NEDD4: variants seen among roughly 807,000 people sequenced by gnomAD.
The protein encoded by NEDD4 is NEDD4 E3 ubiquitin protein ligase, also known as E3 ubiquitin-protein ligase NEDD4.
In NEDD4, 99 loss-of-function variants were observed where a neutral mutation model predicts 144.9. The ratio of observed to expected loss-of-function variants is 0.68; its 90% confidence interval spans 0.58 to 0.81. The LOEUF (loss-of-function observed/expected upper bound fraction) is 0.81, where lower values mean the gene tolerates loss of function less well. Ranked by LOEUF, NEDD4 falls within the 30% of genes least tolerant of loss-of-function variation. The pLI is 0.00. For synonymous variants in NEDD4, 318 were observed against 350.6 expected (o/e 0.91, Z 1.04); for missense variants, 985 against 1,065.9 (o/e 0.92, Z 1.06).
At chr15:55,885,544 C>G (rs1174137549) in intron 5 of NEDD4, among the ~76,000 whole-genome samples, 3 of 151,672 alleles carry the variant, frequency 2.0e-5, no homozygotes, top group South Asian at 4.2e-4. Context: ...AAAAAAAAAG[C>G]AAGAGGACAA....
chr15:55,901,768 A>G (rs2142156988), intron 5 of NEDD4, among the ~76,000 whole-genome samples: 1 of 152,252 alleles, frequency 6.6e-6, no homozygotes, highest in Admixed American at 6.5e-5. Flanking sequence ...GTTACATATC[A>G]TGGCACTTTA....
intron 4 of NEDD4, among the ~76,000 whole-genome samples, chr15:55,934,530 T>C (rs1459085891): frequency 6.6e-6 from 1 of 152,150 alleles, no homozygotes; most frequent in Non-Finnish European, 1.5e-5. Context: ...GAATAGAAAG[T>C]ATTCCGGCAT....
intron 21 of NEDD4, among the ~76,000 whole-genome samples, chr15:55,839,831 C>T (rs2033384488): frequency 6.6e-6 from 1 of 150,770 alleles, no homozygotes. Context: ...CAAAAATTAG[C>T]TGAGTGTGGT....
At position 55,970,567 on chromosome 15, in the gene NEDD4, G is replaced by C. The variant is rs572716078; in HGVS notation, c.46-4021C>G. On this transcript the variant is annotated intron_variant, in intron 1 of 28. Coordinates refer to ENST00000435532, the MANE Select transcript of NEDD4 (RefSeq NM_006154.4). ...AACTCCAGGCAGCTCAGAACAGAGA[G>C]AGAGACAGAGAGAGGGAGAGACTCC... Among the ~76,000 whole-genome samples, 6 of 152,320 alleles carry C rather than the reference G, an allele frequency of 3.9e-5. No individual in the cohort carries two copies. The South Asian group carries it at 6.2e-4, about 16-fold the overall frequency.
At chr15:55,955,321 T>C (rs183240171) in intron 2 of NEDD4, among the ~76,000 whole-genome samples, 2 of 152,282 alleles carry the variant, frequency 1.3e-5, no homozygotes, top group East Asian at 1.9e-4. Context: ...TCAGCCACCA[T>C]ACCTGGCAGC....
intron 1 of NEDD4, among the ~76,000 whole-genome samples, chr15:55,980,215 G>A (rs187571168): frequency 1.6e-4 from 24 of 152,202 alleles, no homozygotes; most frequent in African/African-American, 5.5e-4. Context: ...TTTCAGGCGT[G>A]AGCCACTGCA....
chr15:55,957,000 A>C (rs1244456648), intron 2 of NEDD4, among the ~76,000 whole-genome samples: 5 of 152,160 alleles, frequency 3.3e-5, no homozygotes, highest in Admixed American at 1.3e-4. Context: ...TTCAGTGTCC[A>C]TTTATTACAA....
At position 55,829,902 on chromosome 15, in the gene NEDD4, C is replaced by A; in HGVS notation, c.2698G>T (p.Asp900Tyr). ...IENTQGFDGV[D>Y] ...TACAGATTGTTATTTGTAATCTAAT[C>A]AACTCCATCAAAGCCCTGGGTGTTT... is the stretch of plus-strand genomic sequence containing the variant. Residue 900 changes from aspartate to tyrosine, a missense_variant, in exon 29 of 29, where the codon GAT (aspartate) becomes TAT (tyrosine). By Grantham distance (160) the Asp-to-Tyr change is radical (BLOSUM62 -3). Transcript: ENST00000435532. 6.2e-7 allele frequency: 1 copy of A among 1,609,650 alleles called. No homozygotes were observed. Among genetic ancestry groups the A allele is most frequent in the Non-Finnish European group, 8.5e-7 (1 of 1,176,712 alleles).
chr15:55,958,464 T>A (rs8039617), intron 2 of NEDD4, among the ~76,000 whole-genome samples: 10,476 of 152,308 alleles, frequency 0.069, 473 homozygotes, highest in Non-Finnish European at 0.1. Flanking sequence ...TCTTGTGATG[T>A]CTGTGTCTGG....
At chr15:55,847,548 TA>T (rs2033798523) in intron 17 of NEDD4, among the ~76,000 whole-genome samples, 1 of 152,108 alleles carries the variant, frequency 6.6e-6, no homozygotes, top group African/African-American at 2.4e-5. Flanking sequence ...AAAGCAGCTA[TA>T]AAAAAGGATA....
At chr15:55,987,790 T>C (rs1330593178) in intron 1 of NEDD4, 9 of 87,388 alleles carry the variant, frequency 1.0e-4, no homozygotes, top group South Asian at 4.8e-4. Flanking sequence ...TGTAGATATG[T>C]GGCATTATTT....
At chr15:55,840,778 C>A in intron 19 of NEDD4, 51 bp from the exon 20 acceptor site, 1 of 1,504,744 alleles carries the variant, frequency 6.6e-7, no homozygotes, top group South Asian at 1.2e-5. Flanking sequence ...TTTAATATGA[C>A]AAATAATTAC....
chr15:55,870,967 C>T (rs1242822418), intron 7 of NEDD4, among the ~76,000 whole-genome samples: 1 of 152,136 alleles, frequency 6.6e-6, no homozygotes, highest in African/African-American at 2.4e-5. Context: ...AGCAATTACC[C>T]TTTGTCTTTC....
intron 4 of NEDD4, among the ~76,000 whole-genome samples, chr15:55,925,822 C>G (rs1015480054): frequency 1.3e-5 from 2 of 152,034 alleles, no homozygotes; most frequent in South Asian, 4.2e-4. Flanking sequence ...GAGGAAACCA[C>G]TAATTTTTGA....
At chr15:55,944,595 G>A (rs2037074149) in intron 4 of NEDD4, among the ~76,000 whole-genome samples, 1 of 152,210 alleles carries the variant, frequency 6.6e-6, no homozygotes, top group Non-Finnish European at 1.5e-5. Flanking sequence ...AACTTCTACA[G>A]ACTTAAATGT....
intron 5 of NEDD4, among the ~76,000 whole-genome samples, chr15:55,920,819 A>G (rs1310423675): frequency 6.6e-6 from 1 of 152,190 alleles, no homozygotes; most frequent in Non-Finnish European, 1.5e-5. Flanking sequence ...TATAGGTTCT[A>G]TAACATCTCA....
chr15:55,841,656 C>T (rs977216477), intron 19 of NEDD4, among the ~76,000 whole-genome samples: 3 of 151,922 alleles, frequency 2.0e-5, no homozygotes, highest in Non-Finnish European at 4.4e-5. Flanking sequence ...GATCTCGGCT[C>T]CGCCTTCCGG....
intron 6 of NEDD4, 47 bp from the exon 7 acceptor site, chr15:55,872,523 G>T: frequency 1.2e-6 from 1 of 850,956 alleles, no homozygotes; most frequent in Non-Finnish European, 1.7e-6. Flanking sequence ...AACACCAAAA[G>T]CATGTACTTT....
chr15:55,895,392 A>T (rs1206959531), intron 5 of NEDD4, among the ~76,000 whole-genome samples: 1 of 152,258 alleles, frequency 6.6e-6, no homozygotes, highest in Non-Finnish European at 1.5e-5. Context: ...TAAGAAACCA[A>T]GGAGCTGAGC....
Sources: gnomAD v4.1 joint callset for allele counts (sites outside exome capture counted in the v4.1 genomes callset) on GRCh38, gnomAD v4.1.1 for gene constraint, MANE v1.5 for transcripts, NCBI Gene and HGNC (gene_info 2026-07-23, HGNC 2026-07-21) for gene names.